Variants in SCHIP1 observed in about 807,000 individuals in gnomAD.
SCHIP1 encodes the protein schwannomin interacting protein 1.
SCHIP1 carries 8 observed loss-of-function variants against 29.7 expected under a neutral mutation model. The observed-to-expected ratio is 0.27, with a 90% CI of 0.16 to 0.49. The LOEUF is 0.49. Among genes scored for constraint, SCHIP1 ranks in the 20% least tolerant of loss-of-function variants. SCHIP1 has a pLI of 0.99. For missense variants in SCHIP1, 193 were observed against 294.6 expected, an observed-to-expected ratio of 0.66 and a Z score of 2.52; for synonymous variants, 76 against 94.9, an observed-to-expected ratio of 0.80 and a Z score of 1.16.
chr3:159,683,452 G>A, the SCHIP1 span, among the ~76,000 whole-genome samples: 5 of 151,972 alleles, frequency 3.3e-5, no homozygotes, highest in Non-Finnish European at 5.9e-5. Context: ...TTTTTCAATC[G>A]TTTTTGTAAT....
At chr3:159,292,954 T>G in the SCHIP1 span, among the ~76,000 whole-genome samples, 1 of 152,180 alleles carries the variant, frequency 6.6e-6, no homozygotes, top group East Asian at 1.9e-4. Context: ...CCCCCTTGTA[T>G]TTTTTCTGGA....
the SCHIP1 span, among the ~76,000 whole-genome samples, chr3:159,410,413 G>C: frequency 6.6e-6 from 1 of 151,884 alleles, no homozygotes; most frequent in Admixed American, 6.6e-5. Flanking sequence ...TATATAAGGA[G>C]CTCAAGCAAC....
At chr3:159,868,438 TTAGAG>T (rs1422284684) in intron 2 of SCHIP1, among the ~76,000 whole-genome samples, 3 of 152,100 alleles carry the variant, frequency 2.0e-5, no homozygotes, top group Admixed American at 6.6e-5. Flanking sequence ...TATTCTTCCT[TTAGAG>T]TAATTTCACA....
At chr3:159,653,854 T>A in the SCHIP1 span, among the ~76,000 whole-genome samples, 24 of 152,218 alleles carry the variant, frequency 1.6e-4, 1 homozygote, top group South Asian at 5.0e-3. Flanking sequence ...TGAAGGTTTC[T>A]AGCATAAATA....
chr3:159,769,185 G>A, the SCHIP1 span, among the ~76,000 whole-genome samples: 3 of 150,048 alleles, frequency 2.0e-5, no homozygotes, highest in East Asian at 2.0e-4. Flanking sequence ...GCCACAAACA[G>A]TCGGCTTTCT....
At chr3:159,888,740 T>C in intron 4 of SCHIP1, 80 bp from the exon 6 acceptor site, 1 of 1,557,394 alleles carries the variant, frequency 6.4e-7, no homozygotes, top group Non-Finnish European at 8.7e-7. Context: ...AGTGGGTCTT[T>C]TAAGAGAAAA....
chr3:159,282,397 C>T, the SCHIP1 span, among the ~76,000 whole-genome samples: 49,713 of 151,106 alleles, frequency 0.33, 9,055 homozygotes, highest in Non-Finnish European at 0.42. Flanking sequence ...TTAAATATTA[C>T]GTATATATTA....
At chr3:159,596,198 A>C in the SCHIP1 span, among the ~76,000 whole-genome samples, 16 of 152,348 alleles carry the variant, frequency 1.1e-4, no homozygotes, top group East Asian at 2.9e-3. Context: ...ACATGGAAAA[A>C]TGCTCACCAT....
the SCHIP1 span, among the ~76,000 whole-genome samples, chr3:159,281,019 G>C: frequency 6.6e-6 from 1 of 152,160 alleles, no homozygotes; most frequent in Admixed American, 6.5e-5. Flanking sequence ...GACATGTGGG[G>C]CAATCGTGGC....
At chr3:159,283,862 A>T in the SCHIP1 span, among the ~76,000 whole-genome samples, 3 of 152,194 alleles carry the variant, frequency 2.0e-5, no homozygotes, top group Non-Finnish European at 1.5e-5. Flanking sequence ...TTGTCTTATT[A>T]TCCATAGTTG....
At chr3:159,776,305 T>G in the SCHIP1 span, among the ~76,000 whole-genome samples, 1 of 149,982 alleles carries the variant, frequency 6.7e-6, no homozygotes, top group African/African-American at 2.5e-5. Context: ...CATTTTATTT[T>G]GAACAACTAC....
the SCHIP1 span, among the ~76,000 whole-genome samples, chr3:159,655,495 G>C: frequency 6.6e-6 from 1 of 152,156 alleles, no homozygotes; most frequent in African/African-American, 2.4e-5. Flanking sequence ...CTCTCGGGTA[G>C]GACAACACTT....
chr3:159,312,377 G>A, the SCHIP1 span, among the ~76,000 whole-genome samples: 3 of 152,068 alleles, frequency 2.0e-5, no homozygotes, highest in African/African-American at 4.8e-5. Context: ...TTTGAACTTG[G>A]CACAAGAAAG....
the SCHIP1 span, among the ~76,000 whole-genome samples, chr3:159,635,422 T>C: frequency 6.6e-6 from 1 of 152,214 alleles, no homozygotes; most frequent in African/African-American, 2.4e-5. Context: ...GGAAGTATTT[T>C]AGTGTTTTGA....
intron 1 of SCHIP1, among the ~76,000 whole-genome samples, chr3:159,842,714 C>G (rs1744344267): frequency 7.0e-6 from 1 of 143,800 alleles, no homozygotes; most frequent in Non-Finnish European, 1.5e-5. Context: ...CCTCCCCTAT[C>G]CACCCCCTCC....
At chr3:159,726,610 G>A in the SCHIP1 span, among the ~76,000 whole-genome samples, 2 of 152,194 alleles carry the variant, frequency 1.3e-5, no homozygotes, top group African/African-American at 4.8e-5. Context: ...GGCAGTTTTA[G>A]ACAGGGGTCT....
At chr3:159,822,773 G>A in the SCHIP1 span, among the ~76,000 whole-genome samples, 2,006 of 151,554 alleles carry the variant, frequency 0.013, 41 homozygotes, top group African/African-American at 0.046. Flanking sequence ...TGGCTGCAAC[G>A]GGGAGGGCTA....
chr3:159,756,451 G>A, the SCHIP1 span, among the ~76,000 whole-genome samples: 1 of 152,142 alleles, frequency 6.6e-6, no homozygotes, highest in African/African-American at 2.4e-5. Flanking sequence ...ACAAAGCACA[G>A]GGACCCTGGG....
At chr3:159,549,815 G>A in the SCHIP1 span, among the ~76,000 whole-genome samples, 9 of 152,064 alleles carry the variant, frequency 5.9e-5, no homozygotes, top group Non-Finnish European at 1.2e-4. Flanking sequence ...TCCTTTTCCT[G>A]ATGTCACTTC....
Sources: allele counts gnomAD v4.1 joint callset (sites outside exome capture counted in the v4.1 genomes callset), GRCh38; gene constraint gnomAD v4.1.1; transcripts MANE v1.5; gene names NCBI Gene and HGNC (gene_info 2026-07-23, HGNC 2026-07-21).